The following GLE1 variants were observed in gnomAD, a reference collection of about 807,000 sequenced individuals.
GLE1 encodes mRNA export factor GLE1.
GLE1 carries 78 observed loss-of-function variants against 97.3 expected under a neutral mutation model. The ratio of observed to expected loss-of-function variants is 0.80; its 90% CI spans 0.67 to 0.97. GLE1 has a LOEUF of 0.97. GLE1 is among the 50% of genes least tolerant of loss of function. GLE1 has a pLI of 0.00. For synonymous variants in GLE1, 302 were observed against 313.4 expected, an observed-to-expected ratio of 0.96 and a Z score of 0.39; for missense variants, 753 against 857.5, an observed-to-expected ratio of 0.88 and a Z score of 1.52.
chr9:128,538,095 G>GTAACT lies in GLE1; in HGVS notation c.1881+6_1881+10dup. 1 of 1,500,920 alleles carries GTAACT rather than the reference G, an allele frequency of 6.7e-7. No homozygotes were observed. Among genetic ancestry groups the GTAACT allele is most frequent in the Non-Finnish European group, 9.3e-7 (1 of 1,077,160 alleles). 93.0% of individuals were successfully genotyped at this position (1,500,920 alleles called of 1,614,324 possible). A position where few individuals can be genotyped will look rare whatever the true frequency, so the allele number is the denominator to read the frequency against. On this transcript the variant is annotated splice_donor_region_variant and intron_variant, in intron 13 of 15. Coordinates refer to ENST00000309971, the MANE Select transcript of GLE1 (RefSeq NM_001003722.2). The stretch of plus-strand genomic sequence containing the variant: ...CTCCTCTTTGACTTCCTGGAGGTAC[G>GTAACT]TAACTCAGTTATCACACAAGAGAAG...
chr9:128,539,569 T>C lies in GLE1; in HGVS notation c.1882-47T>C, dbSNP rs759969014. On this transcript the variant is annotated intron_variant, in intron 13 of 15. Transcript: ENST00000309971. ...GTGCTTTATGAATCTGTCCTGTGAG[T>C]GTGAATTTTCATTTTCTGCTCTGAC... 2.0e-6 allele frequency: 3 copies of C among 1,534,330 alleles called. No individual in the cohort carries two copies. In the Admixed American group the frequency reaches 5.0e-5, roughly 26 times the overall value.
chr9:128,510,829 AG>A (rs1411291997), intron 2 of GLE1, among the ~76,000 whole-genome samples: 4 of 136,396 alleles, frequency 2.9e-5, no homozygotes, highest in Non-Finnish European at 4.7e-5. Context: ...GTGCCTGGCC[AG>A]TTTTTTTTTT....
intron 2 of GLE1, among the ~76,000 whole-genome samples, chr9:128,515,279 C>T (rs1846948273): frequency 6.6e-6 from 1 of 151,336 alleles, no homozygotes; most frequent in Non-Finnish European, 1.5e-5. Flanking sequence ...ACAAACAAGT[C>T]AAAAAAAACA....
At chr9:128,525,163 A>G in intron 6 of GLE1, 29 bp from the exon 7 acceptor site, 1 of 1,532,726 alleles carries the variant, frequency 6.5e-7, no homozygotes, top group East Asian at 2.2e-5. Context: ...GGGAATGACC[A>G]CTAAGCACCA....
intron 1 of GLE1, among the ~76,000 whole-genome samples, chr9:128,506,732 C>T (rs1193929878): frequency 6.6e-6 from 1 of 152,170 alleles, no homozygotes; most frequent in Non-Finnish European, 1.5e-5. Context: ...CATCACCACA[C>T]ACACATTTAT....
Position 128,517,018 on chromosome 9 carries a change from G to A in GLE1, c.432+1379G>A, listed in dbSNP as rs150133138. On this transcript the variant is annotated intron_variant, in intron 3 of 15. Coordinates refer to ENST00000309971, the MANE Select transcript of GLE1 (RefSeq NM_001003722.2). ...GAAAATGAAAGTCTTGGCCAGGCAC[G>A]GAGGCTCATGCCCGTAATCCCAGCA... Among the ~76,000 whole-genome samples, 921 of 152,020 alleles carry A rather than the reference G, an allele frequency of 6.1e-3. 10 individuals are homozygous for A. The highest frequency in any genetic ancestry group is 0.021 in the African/African-American group (875 of 41,486).
At chr9:128,508,222 G>C (rs1846700414) in intron 1 of GLE1, among the ~76,000 whole-genome samples, 1 of 141,550 alleles carries the variant, frequency 7.1e-6, no homozygotes, top group Non-Finnish European at 1.5e-5. Flanking sequence ...AACATATCAA[G>C]ACTCCATCTC....
chr9:128,505,196 G>T (rs188956244), intron 1 of GLE1, among the ~76,000 whole-genome samples: 1 of 152,246 alleles, frequency 6.6e-6, no homozygotes, highest in Admixed American at 6.5e-5. Context: ...AAGCAATCTC[G>T]GCCCCAGGTT....
intron 3 of GLE1, among the ~76,000 whole-genome samples, chr9:128,520,408 A>G (rs937810844): frequency 2.0e-5 from 3 of 147,974 alleles, no homozygotes; most frequent in African/African-American, 4.9e-5. Flanking sequence ...GTGTGTATAT[A>G]TGTATATATA....
chr9:128,538,060 G>C lies in GLE1; in HGVS notation c.1851G>C (p.Val617=). ...QILNMEPLSD[V]TATLLFDFLE... is the part of the protein sequence containing the mutation. ...TAAACATGGAGCCCTTGTCAGATGT[G>C]ACAGCCACCCTCCTCTTTGACTTCC... The change falls in exon 13 of 16, where the codon GTG becomes GTC. Residue 617 remains valine (V), a synonymous_variant. Coordinates refer to ENST00000309971, the MANE Select transcript of GLE1 (RefSeq NM_001003722.2). 1 of 1,608,624 alleles carries C rather than the reference G, an allele frequency of 6.2e-7. No individual in the cohort carries two copies.
At chr9:128,534,191 A>G (rs1180117396) in intron 11 of GLE1, among the ~76,000 whole-genome samples, 1 of 152,116 alleles carries the variant, frequency 6.6e-6, no homozygotes, top group African/African-American at 2.4e-5. Context: ...AACATGGAGA[A>G]ACGCCATCTC....
intron 1 of GLE1, among the ~76,000 whole-genome samples, chr9:128,507,353 G>A (rs1345381459): frequency 6.6e-6 from 1 of 152,050 alleles, no homozygotes; most frequent in Non-Finnish European, 1.5e-5. Flanking sequence ...AAGTCAAGGT[G>A]GGCAGATCAC....
At chr9:128,540,655 G>A in intron 15 of GLE1, 1 of 393,850 alleles carries the variant, frequency 2.5e-6, no homozygotes, top group Non-Finnish European at 4.7e-6. Flanking sequence ...TCAGGTCTGG[G>A]GAATTGGTAA....
chr9:128,541,169 G>C lies in GLE1; in HGVS notation c.2096G>C (p.Ter699SerextTer87). 1 of 1,536,050 alleles carries C rather than the reference G, an allele frequency of 6.5e-7. No homozygotes were observed. Among genetic ancestry groups the C allele is most frequent in the Non-Finnish European group, 9.0e-7 (1 of 1,108,778 alleles). ...CTGACTTCCTCCTTCTGGCGCTCCT[G>C]ATGTCACTCCATCACCCACCATCAC... The part of the protein sequence containing the change: ...GFLTSSFWRS[*>S] The change falls in exon 16 of 16, where the codon TGA (stop) becomes TCA (serine). Residue 699 changes from the stop codon to serine, a stop_lost. Transcript: ENST00000309971.
In GLE1 at chr9:128,533,844, C is replaced by G; in HGVS notation, c.1539C>G (p.His513Gln). The G allele has an allele frequency of 6.2e-7, 1 of 1,611,512 alleles. No individual in the cohort carries two copies. The highest frequency in any genetic ancestry group is 8.5e-7 in the Non-Finnish European group (1 of 1,177,598). Residue 513 changes from histidine (H) to glutamine (Q), a missense_variant, in exon 11 of 16, where the codon CAC (histidine) becomes CAG (glutamine). Transcript: ENST00000309971. The part of the protein sequence containing the change: ...AVVASGIWEL[H>Q]PRVGDLILAH... The stretch of plus-strand genomic sequence containing the variant: ...TGGCATCCGGGATCTGGGAGCTCCA[C>G]CCCAGAGTGGGGGACCTCATTCTTG...
At position 128,522,653 on chromosome 9, in the gene GLE1, A is replaced by C. The variant is rs752897261; in HGVS notation, c.433-15A>C. The C allele has an allele frequency of 1.7e-3, 2,790 of 1,604,144 alleles. 36 individuals are homozygous for C. The African/African-American group carries it at 0.033, about 19-fold the overall frequency. On this transcript the variant is annotated splice_polypyrimidine_tract_variant and intron_variant, in intron 3 of 15. Coordinates refer to ENST00000309971, the MANE Select transcript of GLE1 (RefSeq NM_001003722.2). ...TCCATCTTAAAAAAAAAAAAAAAAA[A>C]AAAAACCTTTTCAGGAGGGCCTGAG...
intron 2 of GLE1, among the ~76,000 whole-genome samples, chr9:128,514,017 CAAA>C (rs35379717): frequency 5.2e-5 from 5 of 95,784 alleles, no homozygotes; most frequent in Non-Finnish European, 6.8e-5. Flanking sequence ...GACTCCATCT[CAAA>C]AAAAAAAAAA....
At position 128,526,190 on chromosome 9, in the gene GLE1, T is replaced by A. The variant is rs560675111; in HGVS notation, c.1129+767T>A. On this transcript the variant is annotated intron_variant, in intron 7 of 15. Transcript: ENST00000309971. The stretch of plus-strand genomic sequence containing the variant: ...GTGCCTGCCACTGTGCCTGGCTAAT[T>A]TTTGTATTTTTAGTAAAGATGGGAT... Among the ~76,000 whole-genome samples the A allele has an allele frequency of 2.0e-3, 301 of 150,394 alleles. 2 individuals carry two copies. The highest frequency in any genetic ancestry group is 9.0e-3 in the Admixed American group (135 of 15,058).
At chr9:128,527,060 T>C (rs1847320623) in intron 7 of GLE1, 119 bp from the exon 8 acceptor site, 2 of 707,618 alleles carry the variant, frequency 2.8e-6, no homozygotes, top group Admixed American at 2.0e-5. Flanking sequence ...ATCTATTTCA[T>C]AGTTATGGTG....
Sources: gnomAD v4.1 joint callset for allele counts (sites outside exome capture counted in the v4.1 genomes callset) on GRCh38, gnomAD v4.1.1 for gene constraint, MANE v1.5 for transcripts, NCBI Gene and HGNC (gene_info 2026-07-23, HGNC 2026-07-21) for gene names.